Variants in ETS1 observed in about 807,000 individuals in gnomAD.
ETS1 encodes protein C-ets-1.
Under a neutral mutation model 58.6 loss-of-function variants are expected in ETS1, and 15 were observed. That is an observed-to-expected ratio of 0.26 (90% CI 0.17 to 0.39). The LOEUF (loss-of-function observed/expected upper bound fraction) is 0.39. ETS1 is among the 10% of genes least tolerant of loss of function. The pLI is 1.00. For missense variants in ETS1, 417 were observed against 610.5 expected, an observed-to-expected ratio of 0.68 and a Z score of 3.34; for synonymous variants, 214 against 218.2, an observed-to-expected ratio of 0.98 and a Z score of 0.17.
chr11:128,578,782 T>G lies in ETS1; in HGVS notation c.-14-5638A>C, dbSNP rs76566423. ...ACATTTAACATAATGCTATGGACATTTTTCTCTGTTGATAAATGTGGCTGT... is the reference window on the plus strand; with the variant it reads ...ACATTTAACATAATGCTATGGACATGTTTCTCTGTTGATAAATGTGGCTGT... On this transcript the variant is annotated intron_variant, in intron 1 of 9. Transcript: ENST00000392668. Among the ~76,000 whole-genome samples, 359 of 152,322 alleles carry G rather than the reference T, an allele frequency of 2.4e-3. 11 individuals carry two copies. The East Asian group carries it at 0.063, about 27-fold the overall frequency.
intron 8 of ETS1, among the ~76,000 whole-genome samples, chr11:128,474,684 C>A (rs1455981959): frequency 6.6e-6 from 1 of 152,210 alleles, no homozygotes; most frequent in Non-Finnish European, 1.5e-5. Flanking sequence ...TTAGGATCCA[C>A]TGCTAAACCC....
intron 3 of ETS1, among the ~76,000 whole-genome samples, chr11:128,517,221 G>T (rs1863549885): frequency 6.6e-6 from 1 of 152,206 alleles, no homozygotes; most frequent in South Asian, 2.1e-4. Context: ...TGCAGAGATA[G>T]CAGGGAGCCA....
At chr11:128,578,897 C>T (rs1435377845) in intron 1 of ETS1, among the ~76,000 whole-genome samples, 1 of 152,116 alleles carries the variant, frequency 6.6e-6, no homozygotes, top group African/African-American at 2.4e-5. Flanking sequence ...ATTAATTTGT[C>T]CCCAATTCTT....
intron 3 of ETS1, among the ~76,000 whole-genome samples, chr11:128,514,106 G>A: frequency 6.6e-6 from 1 of 152,158 alleles, no homozygotes; most frequent in East Asian, 1.9e-4. Context: ...GCAGATTCCT[G>A]TGCCTGACCG....
chr11:128,510,242 G>C (rs962935821), intron 3 of ETS1, among the ~76,000 whole-genome samples: 1 of 152,166 alleles, frequency 6.6e-6, no homozygotes, highest in Admixed American at 6.5e-5. Context: ...AAAGACTCCA[G>C]AGTACTTTCT....
At chr11:128,514,262 A>G (rs1775135935) in intron 3 of ETS1, among the ~76,000 whole-genome samples, 1 of 152,124 alleles carries the variant, frequency 6.6e-6, no homozygotes, top group African/African-American at 2.4e-5. Flanking sequence ...AAAAAAAGTT[A>G]CCTATCTCAT....
chr11:128,469,545 AC>A lies in ETS1; in HGVS notation c.1124-5919del, dbSNP rs559330344. On this transcript the variant is annotated intron_variant, in intron 8 of 9. Coordinates refer to ENST00000392668, the MANE Select transcript of ETS1 (RefSeq NM_001143820.2). ...GTCCAAGCATCACCCCTTTCTGTCAACCCTCTTCTAAATCACCATTCACAAA... is the reference window on the plus strand; with the variant it reads ...GTCCAAGCATCACCCCTTTCTGTCAACCTCTTCTAAATCACCATTCACAAA... Among the ~76,000 whole-genome samples, 13 of 152,260 alleles carry A rather than the reference AC, an allele frequency of 8.5e-5. No homozygotes were observed. In the East Asian group the frequency reaches 2.3e-3, roughly 27 times the overall value.
At chr11:128,571,833 A>C (rs1220010546) in intron 2 of ETS1, 2 of 152,180 alleles carry the variant, frequency 1.3e-5, no homozygotes, top group Admixed American at 1.3e-4. Flanking sequence ...ACCCGAGGTC[A>C]GGAGTTTGAG....
intron 3 of ETS1, among the ~76,000 whole-genome samples, chr11:128,494,098 T>C (rs1565380442): frequency 6.6e-6 from 1 of 152,244 alleles, no homozygotes. Context: ...TCCATAGACA[T>C]TAACTAATTA....
At chr11:128,489,853 A>T (rs539905234) in intron 4 of ETS1, among the ~76,000 whole-genome samples, 1 of 152,354 alleles carries the variant, frequency 6.6e-6, no homozygotes, top group Admixed American at 6.5e-5. Flanking sequence ...AATAGCAATA[A>T]TAACAAGAGA....
At chr11:128,498,961 C>T (rs756455360) in intron 3 of ETS1, among the ~76,000 whole-genome samples, 1 of 152,222 alleles carries the variant, frequency 6.6e-6, no homozygotes, top group Non-Finnish European at 1.5e-5. Flanking sequence ...CTGAAAAACA[C>T]AGAGCCATGG....
intron 3 of ETS1, among the ~76,000 whole-genome samples, chr11:128,538,837 T>C (rs986516964): frequency 6.6e-6 from 1 of 152,066 alleles, no homozygotes; most frequent in African/African-American, 2.4e-5. Context: ...TCATGCACTG[T>C]AGTGAGCAGT....
At chr11:128,522,767 C>T (rs1863723094) in intron 3 of ETS1, among the ~76,000 whole-genome samples, 1 of 152,224 alleles carries the variant, frequency 6.6e-6, no homozygotes, top group Admixed American at 6.5e-5. Flanking sequence ...ATCATTCATT[C>T]ACAAAGACTG....
chr11:128,539,120 C>A (rs1414084833), intron 3 of ETS1, among the ~76,000 whole-genome samples: 1 of 152,186 alleles, frequency 6.6e-6, no homozygotes, highest in Non-Finnish European at 1.5e-5. Flanking sequence ...AGGATTAAAT[C>A]TTCATAACCT....
chr11:128,481,422 A>G (rs796949972), intron 7 of ETS1, among the ~76,000 whole-genome samples: 5 of 73,406 alleles, frequency 6.8e-5, no homozygotes, highest in African/African-American at 3.2e-4. Context: ...AAAGGAGGCT[A>G]GCAAAAAAAA....
At chr11:128,540,173 T>C (rs1261045798) in intron 3 of ETS1, among the ~76,000 whole-genome samples, 1 of 151,470 alleles carries the variant, frequency 6.6e-6, no homozygotes, top group African/African-American at 2.4e-5. Context: ...ATTAGCCAGG[T>C]GTGGTGGCAG....
At chr11:128,552,976 G>T (rs530017328) in intron 3 of ETS1, among the ~76,000 whole-genome samples, 3 of 152,216 alleles carry the variant, frequency 2.0e-5, no homozygotes, top group Non-Finnish European at 4.4e-5. Flanking sequence ...AAAGGGCTGA[G>T]GTTGAGGGAC....
intron 2 of ETS1, among the ~76,000 whole-genome samples, chr11:128,568,094 T>C (rs181329159): frequency 2.4e-4 from 36 of 152,364 alleles, no homozygotes; most frequent in East Asian, 2.1e-3. Flanking sequence ...GGGCCACTCC[T>C]GCCCGAGCAT....
At chr11:128,552,943 T>G (rs773972663) in intron 3 of ETS1, among the ~76,000 whole-genome samples, 1 of 152,124 alleles carries the variant, frequency 6.6e-6, no homozygotes, top group Non-Finnish European at 1.5e-5. Context: ...GTAAAAATGA[T>G]TCTTGTTATG....
Sources: gnomAD v4.1 joint callset for allele counts (sites outside exome capture counted in the v4.1 genomes callset) on GRCh38, gnomAD v4.1.1 for gene constraint, MANE v1.5 for transcripts, NCBI Gene and HGNC (gene_info 2026-07-23, HGNC 2026-07-21) for gene names.